The following GALNT18 variants were observed in gnomAD, a reference collection of about 807,000 sequenced individuals.
The protein encoded by GALNT18 is polypeptide N-acetylgalactosaminyltransferase 18.
A neutral mutation model predicts 69.5 loss-of-function variants in GALNT18; 44 were observed. The ratio of observed to expected loss-of-function variants is 0.63; its 90% CI spans 0.50 to 0.81. GALNT18 has a LOEUF of 0.81. Among genes scored for constraint, GALNT18 ranks in the 40% least tolerant of loss-of-function variants. The probability of loss-of-function intolerance (pLI) is 0.00; values close to 1 mark genes in which losing one functional copy is unlikely to be tolerated. For missense variants in GALNT18, 715 were observed against 810.0 expected (o/e 0.88, Z 1.42); for synonymous variants, 364 against 318.2 (o/e 1.14, Z -1.53).
At chr11:11,559,391 T>C (rs1858410098) in intron 1 of GALNT18, among the ~76,000 whole-genome samples, 1 of 152,248 alleles carries the variant, frequency 6.6e-6, no homozygotes, top group African/African-American at 2.4e-5. Flanking sequence ...TGTCTGCTTC[T>C]TTCTCTTGTT....
chr11:11,450,794 G>C (rs920973971), intron 1 of GALNT18, among the ~76,000 whole-genome samples: 1 of 152,178 alleles, frequency 6.6e-6, no homozygotes, highest in African/African-American at 2.4e-5. Context: ...GGTAGGAATT[G>C]TTGTCATCTT....
At chr11:11,486,214 T>C (rs1003891461) in intron 1 of GALNT18, among the ~76,000 whole-genome samples, 1 of 152,216 alleles carries the variant, frequency 6.6e-6, no homozygotes, top group Non-Finnish European at 1.5e-5. Context: ...CCCAGGTCCT[T>C]GTACCTCCCG....
At chr11:11,514,828 G>A (rs111698155) in intron 1 of GALNT18, among the ~76,000 whole-genome samples, 29 of 152,294 alleles carry the variant, frequency 1.9e-4, no homozygotes, top group African/African-American at 2.4e-4. Context: ...GCCTAAGAAG[G>A]TCCCAAGAGT....
rs1195660774 is a variant in GALNT18 at position 11,563,179 on chromosome 11, G to A, written c.235+58180C>T. On this transcript the variant is annotated intron_variant, in intron 1 of 10. Transcript: ENST00000227756. This position sits in a 1 kb window ranked among gnomAD's most constrained non-coding sequence, Gnocchi z 4.6. ...TGCTTGCAGTGGGCCCAGCTGCCTGGCGCAGTCCAAATGTGTCCTCCCCAA... is the reference window on the plus strand; with the variant it reads ...TGCTTGCAGTGGGCCCAGCTGCCTGACGCAGTCCAAATGTGTCCTCCCCAA... Among the ~76,000 whole-genome samples the A allele has an allele frequency of 6.6e-6, 1 of 152,096 alleles. No individual in the cohort carries two copies. Among genetic ancestry groups the A allele is most frequent in the East Asian group, 1.9e-4 (1 of 5,188 alleles).
At chr11:11,534,992 C>T (rs192254567) in intron 1 of GALNT18, among the ~76,000 whole-genome samples, 2 of 152,378 alleles carry the variant, frequency 1.3e-5, no homozygotes, top group East Asian at 1.9e-4. Flanking sequence ...CGGGTCCTGG[C>T]TCCACTACTG....
Position 11,619,717 on chromosome 11 carries a change from A to T in GALNT18, c.235+1642T>A, listed in dbSNP as rs77279374. ...GAACATTCTGAATCACCCTGGGGGA[A>T]ACACTGTACTTCTATTGCTGATTAA... On this transcript the variant is annotated intron_variant, in intron 1 of 10. Coordinates refer to ENST00000227756, the MANE Select transcript of GALNT18 (RefSeq NM_198516.3). This position sits in a 1 kb window ranked among gnomAD's most constrained non-coding sequence, Gnocchi z 4.9. Among the ~76,000 whole-genome samples, 1,048 of 152,306 alleles carry T rather than the reference A, an allele frequency of 6.9e-3. 12 individuals carry two copies. Among genetic ancestry groups the T allele is most frequent in the African/African-American group, 0.024 (1,006 of 41,578 alleles).
chr11:11,527,344 T>C (rs377645025), intron 1 of GALNT18, among the ~76,000 whole-genome samples: 1 of 152,352 alleles, frequency 6.6e-6, no homozygotes, highest in East Asian at 1.9e-4. Flanking sequence ...TTGGGGTGTT[T>C]CTTTTTACCC....
intron 1 of GALNT18, among the ~76,000 whole-genome samples, chr11:11,572,915 C>T (rs1397219088): frequency 6.6e-6 from 1 of 152,210 alleles, no homozygotes; most frequent in Non-Finnish European, 1.5e-5. Context: ...TAAATTTGTA[C>T]ATTTGACAAA....
In GALNT18 at chr11:11,341,978, T is replaced by A. The variant is rs1002996683; in HGVS notation, c.1093-974A>T. 6.6e-6 allele frequency among the ~76,000 whole-genome samples: 1 copy of A among 152,140 alleles called. No individual in the cohort carries two copies. The highest frequency in any genetic ancestry group is 2.1e-4 in the South Asian group (1 of 4,810). ...CTCTAAAACATTAAAATTTTTTTTT[T>A]TTTAAAAAGACCTTGACTATATGGC... On this transcript the variant is annotated intron_variant, in intron 6 of 10. Coordinates refer to ENST00000227756, the MANE Select transcript of GALNT18 (RefSeq NM_198516.3). This position sits in a 1 kb window ranked among gnomAD's most constrained non-coding sequence, Gnocchi z 6.3.
At position 11,621,783 on chromosome 11, in the gene GALNT18, G is replaced by A; in HGVS notation, c.-190C>T. ...GCCCAAGTTTGCAGCTCCTGCCGCT[G>A]GCCACCCGGAGAGACCTTGACAAAG... On this transcript the variant is annotated 5_prime_UTR_variant, in exon 1 of 11. Transcript: ENST00000227756. The surrounding 1 kb of genome is among the most constrained non-coding windows in gnomAD (Gnocchi z 9.3). The A allele has an allele frequency of 1.7e-6, 1 of 597,266 alleles. No individual in the cohort carries two copies. Among genetic ancestry groups the A allele is most frequent in the South Asian group, 2.0e-5 (1 of 49,364 alleles). 37.0% of individuals were successfully genotyped at this position (597,266 alleles called of 1,614,324 possible).
chr11:11,285,406 T>C (rs1355196291), intron 10 of GALNT18, among the ~76,000 whole-genome samples: 1 of 152,182 alleles, frequency 6.6e-6, no homozygotes, highest in Non-Finnish European at 1.5e-5. Context: ...GCAGGGCACA[T>C]AGTAAACACC....
chr11:11,600,352 G>C lies in GALNT18; in HGVS notation c.235+21007C>G, dbSNP rs1371997076. Among the ~76,000 whole-genome samples, 1 of 151,942 alleles carries C rather than the reference G, an allele frequency of 6.6e-6. No individual in the cohort carries two copies. Among genetic ancestry groups the C allele is most frequent in the South Asian group, 2.1e-4 (1 of 4,818 alleles). On this transcript the variant is annotated intron_variant, in intron 1 of 10. Transcript: ENST00000227756. The surrounding 1 kb of genome is among the most constrained non-coding windows in gnomAD (Gnocchi z 4.8). ...AACAAATTCTGTTTTTGTTTTTCTG[G>C]TAATGACTTTATTTTGTATTCATTT...
chr11:11,590,270 T>C lies in GALNT18; in HGVS notation c.235+31089A>G, dbSNP rs1218202419. Among the ~76,000 whole-genome samples, 2 of 152,208 alleles carry C rather than the reference T, an allele frequency of 1.3e-5. No homozygotes were observed. The highest frequency in any genetic ancestry group is 4.8e-5 in the African/African-American group (2 of 41,458). Reference sequence around the variant, plus strand: ...GGCTCATGGGCACCTCCATGCTCTTTCCATGTTCTCTCTCCCCGTATCTGC... The same window carrying C: ...GGCTCATGGGCACCTCCATGCTCTTCCCATGTTCTCTCTCCCCGTATCTGC... On this transcript the variant is annotated intron_variant, in intron 1 of 10. Coordinates refer to ENST00000227756, the MANE Select transcript of GALNT18 (RefSeq NM_198516.3). This position sits in a 1 kb window ranked among gnomAD's most constrained non-coding sequence, Gnocchi z 4.4.
intron 6 of GALNT18, among the ~76,000 whole-genome samples, chr11:11,342,012 T>TTGCTCGATATTCAGA (rs1850218024): frequency 6.6e-6 from 1 of 152,036 alleles, no homozygotes; most frequent in Non-Finnish European, 1.5e-5. Context: ...GCCCCAACAT[T>TTGCTCGATATTCAGA]GTGGAGTCTT....
At position 11,508,248 on chromosome 11, in the gene GALNT18, T is replaced by A. The variant is rs541145073; in HGVS notation, c.236-59312A>T. On this transcript the variant is annotated intron_variant, in intron 1 of 10. Coordinates refer to ENST00000227756, the MANE Select transcript of GALNT18 (RefSeq NM_198516.3). ...CCCTCTACACACATATACCCTTTTT[T>A]GTTTTTTAAATCATTGACATTTTTA... Among the ~76,000 whole-genome samples the A allele has an allele frequency of 1.6e-4, 24 of 152,350 alleles. 1 individual carries two copies. In the South Asian group the frequency reaches 4.6e-3, roughly 29 times the overall value.
At position 11,387,261 on chromosome 11, in the gene GALNT18, G is replaced by A. The variant is rs958251684; in HGVS notation, c.596-7997C>T. Among the ~76,000 whole-genome samples, 23 of 152,024 alleles carry A rather than the reference G, an allele frequency of 1.5e-4. No homozygotes were observed. Among genetic ancestry groups the A allele is most frequent in the African/African-American group, 4.8e-4 (20 of 41,372 alleles). On this transcript the variant is annotated intron_variant, in intron 3 of 10. Coordinates refer to ENST00000227756, the MANE Select transcript of GALNT18 (RefSeq NM_198516.3). This position sits in a 1 kb window ranked among gnomAD's most constrained non-coding sequence, Gnocchi z 4.6. The stretch of plus-strand genomic sequence containing the variant: ...TCGTTTCTCTACTTGGCCATCTTTG[G>A]GTCTGATGTTTTGGACTGTCCCCTG...
intron 1 of GALNT18, among the ~76,000 whole-genome samples, chr11:11,479,489 G>T (rs920715832): frequency 6.6e-6 from 1 of 152,194 alleles, no homozygotes; most frequent in Non-Finnish European, 1.5e-5. Flanking sequence ...GCAAATATGA[G>T]TTGAAATAGC....
At chr11:11,360,441 T>C (rs1394088470) in intron 6 of GALNT18, among the ~76,000 whole-genome samples, 2 of 152,246 alleles carry the variant, frequency 1.3e-5, no homozygotes, top group Non-Finnish European at 2.9e-5. Context: ...CTTTTTTGAG[T>C]AAATGTCACT....
In GALNT18 at chr11:11,430,972, C is replaced by T. The variant is rs1564945338; in HGVS notation, c.595+1649G>A. Among the ~76,000 whole-genome samples the T allele has an allele frequency of 6.6e-6, 1 of 152,226 alleles. No homozygotes were observed. The highest frequency in any genetic ancestry group is 1.5e-5 in the Non-Finnish European group (1 of 68,038). On this transcript the variant is annotated intron_variant, in intron 3 of 10. Transcript: ENST00000227756. This position sits in a 1 kb window ranked among gnomAD's most constrained non-coding sequence, Gnocchi z 4.9. Reference sequence around the variant, plus strand: ...TGCCATTTACAAAATAGAGTTCAAACTCTTTAAGTTCAAATAGGAAATCCT... The same window carrying T: ...TGCCATTTACAAAATAGAGTTCAAATTCTTTAAGTTCAAATAGGAAATCCT...
Sources: allele counts gnomAD v4.1 joint callset (sites outside exome capture counted in the v4.1 genomes callset), GRCh38; gene constraint gnomAD v4.1.1; non-coding constraint Gnocchi (gnomAD v3.1); transcripts MANE v1.5; gene names NCBI Gene and HGNC (gene_info 2026-07-23, HGNC 2026-07-21).